SMO: variants seen among roughly 807,000 people sequenced by gnomAD.
SMO encodes smoothened, frizzled class receptor.
In SMO, 40 loss-of-function variants were observed where a neutral mutation model predicts 81.6. The observed-to-expected ratio is 0.49, with a 90% CI of 0.38 to 0.64. The LOEUF is 0.64. SMO is among the 30% of genes least tolerant of loss of function. The probability of loss-of-function intolerance (pLI) is 0.00; values close to 1 mark genes in which losing one functional copy is unlikely to be tolerated. For synonymous variants in SMO, 434 were observed against 432.1 expected (o/e 1.00, Z -0.05); for missense variants, 916 against 1,061.1 (o/e 0.86, Z 1.90).
chr7:129,203,667 A>G, intron 2 of SMO, 78 bp downstream of exon 2: 4 of 1,155,582 alleles, frequency 3.5e-6, no homozygotes, highest in Non-Finnish European at 4.9e-6. Flanking sequence ...AGTGGGGAGC[A>G]GGGGAGCCCA....
intron 8 of SMO, chr7:129,209,809 G>C: frequency 5.2e-6 from 1 of 192,448 alleles, no homozygotes; most frequent in Non-Finnish European, 1.1e-5. Flanking sequence ...TTTTGCCTGT[G>C]CTTTTTTGTG....
In SMO at chr7:129,211,902, C is replaced by A. The variant is rs1472472839; in HGVS notation, c.1937-122C>A. The A allele has an allele frequency of 7.0e-7, 1 of 1,427,664 alleles. No individual in the cohort carries two copies. The allele number at this position is 1,427,664 out of a possible 1,614,324, so 88.4% of individuals were successfully genotyped here. On this transcript the variant is annotated intron_variant, in intron 11 of 11. Transcript: ENST00000249373. The surrounding 1 kb of genome is among the most constrained non-coding windows in gnomAD (Gnocchi z 4.6). Reference sequence around the variant, plus strand: ...GCCCCAGAGGATCTGAAGAGTGGGGCTGAGGCTCTAAGAGTCTAGAGACCT... The same window carrying A: ...GCCCCAGAGGATCTGAAGAGTGGGGATGAGGCTCTAAGAGTCTAGAGACCT...
intron 1 of SMO, among the ~76,000 whole-genome samples, chr7:129,201,746 T>C (rs941258381): frequency 3.3e-5 from 5 of 151,976 alleles, no homozygotes; most frequent in Non-Finnish European, 5.9e-5. Context: ...AGTGGCGCCA[T>C]CTCAGCCCAC....
chr7:129,206,418 GA>G lies in SMO; in HGVS notation c.1141-45del. The G allele has an allele frequency of 6.2e-7, 1 of 1,614,018 alleles. No homozygotes were observed. On this transcript the variant is annotated intron_variant, in intron 5 of 11. Coordinates refer to ENST00000249373, the MANE Select transcript of SMO (RefSeq NM_005631.5). This position sits in a 1 kb window ranked among gnomAD's most constrained non-coding sequence, Gnocchi z 4.4. The stretch of plus-strand genomic sequence containing the variant: ...AGACCTGGATGGGGTGAGTTTGAGG[GA>G]GGGGGCCAGTAACCCACCTTCTGTC...
intron 1 of SMO, among the ~76,000 whole-genome samples, chr7:129,196,955 T>TG (rs906906522): frequency 7.0e-6 from 1 of 143,614 alleles, no homozygotes; most frequent in African/African-American, 2.6e-5. Flanking sequence ...AGGCGGAGCT[T>TG]GCAATGAGCC....
Position 129,210,833 on chromosome 7 carries a change from C to T in SMO, c.1653-132C>T, listed in dbSNP as rs915430363. The stretch of plus-strand genomic sequence containing the variant: ...CTTCTTTGCAGAGAAGGCCTCTACT[C>T]CTGAGTCCTTGAAGGACTTGAGGCC... On this transcript the variant is annotated intron_variant, in intron 9 of 11. Transcript: ENST00000249373. The surrounding 1 kb of genome is among the most constrained non-coding windows in gnomAD (Gnocchi z 4.7). The T allele has an allele frequency of 1.0e-6, 1 of 962,302 alleles. No homozygotes were observed. The highest frequency in any genetic ancestry group is 2.8e-5 in the Admixed American group (1 of 36,102). The allele number at this position is 962,302 out of a possible 1,614,324, so 59.6% of individuals were successfully genotyped here. A position where few individuals can be genotyped will look rare whatever the true frequency, so the allele number is the denominator to read the frequency against.
rs916299180 is a variant in SMO, at chr7:129,212,427, C to T, written c.2340C>T (p.Leu780=). The change falls in exon 12 of 12, where the codon CTC becomes CTT. Residue 780 remains leucine, a synonymous_variant. Transcript: ENST00000249373. This position sits in a 1 kb window ranked among gnomAD's most constrained non-coding sequence, Gnocchi z 5.0. ...GCACCAACCTGATGGACACAGAACTCATGGATGCAGACTCGGACTTCTGAG... is the reference window on the plus strand; with the variant it reads ...GCACCAACCTGATGGACACAGAACTTATGGATGCAGACTCGGACTTCTGAG... The part of the protein sequence containing the change: ...HSRTNLMDTE[L]MDADSDF The T allele has an allele frequency of 6.2e-7, 1 of 1,612,238 alleles. No individual in the cohort carries two copies. Among genetic ancestry groups the T allele is most frequent in the South Asian group, 1.1e-5 (1 of 91,042 alleles).
At chr7:129,205,145 A>G in intron 2 of SMO, 58 bp from the exon 3 acceptor site, 1 of 1,492,518 alleles carries the variant, frequency 6.7e-7, no homozygotes, top group Non-Finnish European at 9.3e-7. Flanking sequence ...CCTTTCCCTA[A>G]ACAAGAGGCT....
intron 1 of SMO, among the ~76,000 whole-genome samples, chr7:129,199,266 G>C (rs977900648): frequency 1.3e-4 from 18 of 143,064 alleles, no homozygotes; most frequent in Non-Finnish European, 2.1e-4. Context: ...TGCAACATCC[G>C]CCTCCTGGAT....
At position 129,189,151 on chromosome 7, in the gene SMO, C is replaced by A. The variant is rs2150637702; in HGVS notation, c.-1C>A. ...CTTTTGCTGAGTTGGCGGGGTTGGC[C>A]ATGGCCGCTGCCCGCCCAGCGCGGG... On this transcript the variant is annotated 5_prime_UTR_variant, in exon 1 of 12. Transcript: ENST00000249373. This position sits in a 1 kb window ranked among gnomAD's most constrained non-coding sequence, Gnocchi z 4.7. 8.4e-7 allele frequency: 1 copy of A among 1,191,072 alleles called. No individual in the cohort carries two copies. The highest frequency in any genetic ancestry group is 1.0e-6 in the Non-Finnish European group (1 of 956,382). 73.8% of individuals were successfully genotyped at this position (1,191,072 alleles called of 1,614,324 possible). A position where few individuals can be genotyped will look rare whatever the true frequency, so the allele number is the denominator to read the frequency against.
At position 129,212,279 on chromosome 7, in the gene SMO, C is replaced by T. The variant is rs1168512964; in HGVS notation, c.2192C>T (p.Thr731Ile). The change falls in exon 12 of 12, where the codon ACC becomes ATC. Residue 731 changes from threonine to isoleucine, a missense_variant. Transcript: ENST00000249373. The surrounding 1 kb of genome is among the most constrained non-coding windows in gnomAD (Gnocchi z 5.0). The part of the protein sequence containing the change: ...AGDSCRQGAW[T>I]LVSNPFCPEP... ...GACTCTTGCCGACAGGGAGCGTGGA[C>T]CCTGGTCTCCAACCCATTCTGCCCA... The T allele has an allele frequency of 1.9e-6, 3 of 1,613,252 alleles. No homozygotes were observed. Among genetic ancestry groups the T allele is most frequent in the Non-Finnish European group, 2.5e-6 (3 of 1,179,656 alleles).
At chr7:129,192,138 C>G (rs1446542398) in intron 1 of SMO, among the ~76,000 whole-genome samples, 1 of 152,016 alleles carries the variant, frequency 6.6e-6, no homozygotes, top group Non-Finnish European at 1.5e-5. Flanking sequence ...CATAAAGGAC[C>G]CAAGGAACAT....
chr7:129,193,798 A>ATATAT (rs1259694623), intron 1 of SMO, among the ~76,000 whole-genome samples: 1 of 103,086 alleles, frequency 9.7e-6, no homozygotes, highest in African/African-American at 4.0e-5. Flanking sequence ...ATATATATAT[A>ATATAT]TATATATATA....
chr7:129,199,870 A>G (rs1793642877), intron 1 of SMO, among the ~76,000 whole-genome samples: 1 of 152,222 alleles, frequency 6.6e-6, no homozygotes, highest in South Asian at 2.1e-4. Context: ...AAAGATCAAA[A>G]CATTTGAAAA....
chr7:129,206,446 C>T lies in SMO; in HGVS notation c.1141-18C>T, dbSNP rs940460541. 6.2e-7 allele frequency: 1 copy of T among 1,614,066 alleles called. No homozygotes were observed. The highest frequency in any genetic ancestry group is 1.3e-5 in the African/African-American group (1 of 75,032). On this transcript the variant is annotated intron_variant, in intron 5 of 11. Transcript: ENST00000249373. The surrounding 1 kb of genome is among the most constrained non-coding windows in gnomAD (Gnocchi z 4.4). ...GGGGCCAGTAACCCACCTTCTGTCCCACCCCTTCCTGCTGCAGGTGGATGG... is the reference window on the plus strand; with the variant it reads ...GGGGCCAGTAACCCACCTTCTGTCCTACCCCTTCCTGCTGCAGGTGGATGG...
rs148484943 is a variant in SMO, at chr7:129,205,337, G to C, written c.672G>C (p.Glu224Asp). ...GIQCQNPLFT[E>D]AEHQDMHSYI... ...AGTGCCAGAACCCGCTCTTCACAGA[G>C]GCTGAGCACCAGGACATGCACAGCT... The change falls in exon 3 of 12, where the codon GAG becomes GAC. Residue 224 changes from glutamate to aspartate, a missense_variant. Physicochemically the swap from Glu to Asp is conservative, Grantham distance 45. Around this residue, in one of 4 missense-constraint regions of SMO, gnomAD observed 436 missense variants for 570.9 expected, o/e 0.76. Coordinates refer to ENST00000249373, the MANE Select transcript of SMO (RefSeq NM_005631.5). The C allele has an allele frequency of 1.2e-6, 2 of 1,614,086 alleles. No individual in the cohort carries two copies. The highest frequency in any genetic ancestry group is 2.2e-5 in the South Asian group (2 of 91,052).
At position 129,210,206 on chromosome 7, in the gene SMO, T is replaced by C; in HGVS notation, c.1467-157T>C. 3.3e-6 allele frequency: 2 copies of C among 608,648 alleles called. No individual in the cohort carries two copies. The highest frequency in any genetic ancestry group is 3.6e-4 in the Middle Eastern group (1 of 2,796). 37.7% of individuals were successfully genotyped at this position (608,648 alleles called of 1,614,324 possible). A position where few individuals can be genotyped will look rare whatever the true frequency, so the allele number is the denominator to read the frequency against. On this transcript the variant is annotated intron_variant, in intron 8 of 11. Transcript: ENST00000249373. The surrounding 1 kb of genome is among the most constrained non-coding windows in gnomAD (Gnocchi z 4.7). The stretch of plus-strand genomic sequence containing the variant: ...CTGTAGTCCCAGCTACTTGGGAGGC[T>C]GAAGCAGGAGATTGCCTGAGCCCAG...
chr7:129,205,588 A>C (rs2150648907), intron 3 of SMO, 22 bp from the exon 4 acceptor site: 2 of 1,605,610 alleles, frequency 1.2e-6, no homozygotes, highest in Middle Eastern at 1.7e-4. Flanking sequence ...ACCTCACAGA[A>C]TGGCCCACTT....
Position 129,205,743 on chromosome 7 carries a change from T to C in SMO, c.881T>C (p.Val294Ala), listed in dbSNP as rs1325709268. ...QFMDGARREI[V>A]CRADGTMRLG... ...ATGGATGGTGCCCGCCGAGAGATCGTCTGCCGTGCAGATGGCACCATGAGG... is the reference window on the plus strand; with the variant it reads ...ATGGATGGTGCCCGCCGAGAGATCGCCTGCCGTGCAGATGGCACCATGAGG... The change falls in exon 4 of 12, where the codon GTC (valine) becomes GCC (alanine). Residue 294 changes from valine (V) to alanine (A), a missense_variant. Val to Ala is a moderately conservative substitution (Grantham distance 64, BLOSUM62 0). Transcript: ENST00000249373. The C allele has an allele frequency of 6.2e-7, 1 of 1,610,020 alleles. No individual in the cohort carries two copies. The highest frequency in any genetic ancestry group is 2.2e-5 in the East Asian group (1 of 44,890).
Sources: gnomAD v4.1 joint callset for allele counts (sites outside exome capture counted in the v4.1 genomes callset) on GRCh38, gnomAD v4.1.1 for gene constraint, gnomAD v4.1.1 regional missense constraint, Gnocchi (gnomAD v3.1) non-coding constraint, MANE v1.5 for transcripts, NCBI Gene and HGNC (gene_info 2026-07-23, HGNC 2026-07-21) for gene names.